RTCB: variants seen among roughly 807,000 people sequenced by gnomAD.
RTCB encodes RNA-splicing ligase RTCB.
Under a neutral mutation model 58.2 loss-of-function variants are expected in RTCB, and 32 were observed. The ratio of observed to expected loss-of-function variants is 0.55; its 90% CI spans 0.41 to 0.74. The LOEUF (loss-of-function observed/expected upper bound fraction) is 0.74, where lower values mean the gene tolerates loss of function less well. Ranked by LOEUF, RTCB falls within the 30% of genes least tolerant of loss-of-function variation. The pLI, the probability that RTCB is intolerant of heterozygous loss-of-function variation, is 0.00. For synonymous variants in RTCB, 247 were observed against 218.6 expected, an observed-to-expected ratio of 1.13 and a Z score of -1.15; for missense variants, 523 against 639.0, an observed-to-expected ratio of 0.82 and a Z score of 1.96.
At chr22:32,389,914 G>C (rs930382404) in intron 11 of RTCB, among the ~76,000 whole-genome samples, 40 of 152,006 alleles carry the variant, frequency 2.6e-4, no homozygotes, top group Admixed American at 2.5e-3. Context: ...TCTCCCTCTG[G>C]CTTGCTCTTG....
rs1933082012 is a variant in RTCB, at chr22:32,387,753, A to G, written c.*239T>C. On this transcript the variant is annotated 3_prime_UTR_variant, in exon 12 of 12. Coordinates refer to ENST00000216038, the MANE Select transcript of RTCB (RefSeq NM_014306.5). ...TTTCCTAAAACTCTGTGGAACAACC[A>G]AGGAGAAGGCATATTCCTCCCTTTC... 2.2e-6 allele frequency: 1 copy of G among 446,424 alleles called. No homozygotes were observed. The allele number at this position is 446,424 out of a possible 1,614,324, so 27.7% of individuals were successfully genotyped here.
At chr22:32,396,905 T>G (rs763757067) in intron 7 of RTCB, among the ~76,000 whole-genome samples, 1 of 152,184 alleles carries the variant, frequency 6.6e-6, no homozygotes, top group Non-Finnish European at 1.5e-5. Context: ...ACTGTTCTTA[T>G]GAATGCAAGA....
chr22:32,411,826 T>A (rs565558830), intron 1 of RTCB, among the ~76,000 whole-genome samples: 16 of 152,306 alleles, frequency 1.1e-4, no homozygotes, highest in African/African-American at 3.8e-4. Flanking sequence ...TTTATTTAGA[T>A]TCCCATATCC....
At chr22:32,402,851 CCT>C (rs1933361020) in intron 4 of RTCB, among the ~76,000 whole-genome samples, 2 of 152,078 alleles carry the variant, frequency 1.3e-5, no homozygotes, top group Admixed American at 1.3e-4. Context: ...CTCCAGCAAT[CCT>C]CTCACCTCAG....
intron 11 of RTCB, among the ~76,000 whole-genome samples, chr22:32,390,343 G>A (rs1213869778): frequency 6.6e-6 from 1 of 151,774 alleles, no homozygotes; most frequent in Non-Finnish European, 1.5e-5. Flanking sequence ...TGTTGCAGGT[G>A]AAAAAACAAA....
chr22:32,395,346 G>C, intron 8 of RTCB, 132 bp from the exon 9 acceptor site: 3 of 706,692 alleles, frequency 4.2e-6, no homozygotes, highest in South Asian at 4.5e-5. Flanking sequence ...AAAAGTAGCC[G>C]TAAGATTATC....
Position 32,412,196 on chromosome 22 carries a change from G to C in RTCB, c.-40C>G. ...TAGCAAAAACTCCCGGCTCCGCTTT[G>C]AAGAGCCGCTGCCGCGTAGTCCGGC... is the stretch of plus-strand genomic sequence containing the variant. On this transcript the variant is annotated 5_prime_UTR_variant, in exon 1 of 12. Transcript: ENST00000216038. 2 of 1,512,360 alleles carry C rather than the reference G, an allele frequency of 1.3e-6. No individual in the cohort carries two copies. Among genetic ancestry groups the C allele is most frequent in the Middle Eastern group, 3.5e-4 (2 of 5,706 alleles). The allele number at this position is 1,512,360 out of a possible 1,614,324, so 93.7% of individuals were successfully genotyped here.
chr22:32,389,573 A>G (rs1397793269), intron 11 of RTCB, among the ~76,000 whole-genome samples: 5 of 151,994 alleles, frequency 3.3e-5, no homozygotes, highest in African/African-American at 1.2e-4. Context: ...CAGCCTCCCG[A>G]AAGTGCTGGG....
At chr22:32,404,666 C>CA (rs969531127) in intron 4 of RTCB, among the ~76,000 whole-genome samples, 1 of 152,080 alleles carries the variant, frequency 6.6e-6, no homozygotes, top group Non-Finnish European at 1.5e-5. Context: ...TTTGGCCTCC[C>CA]AAAGTTTTTC....
rs566295736 is a variant in RTCB at position 32,389,359 on chromosome 22, T to C, written c.1411-1260A>G. ...ATTCATAAACATGCTAACTTTATCTTCCCCACATATCTGTATCTATACCTT... is the reference window on the plus strand; with the variant it reads ...ATTCATAAACATGCTAACTTTATCTCCCCCACATATCTGTATCTATACCTT... On this transcript the variant is annotated intron_variant, in intron 11 of 11. Transcript: ENST00000216038. Among the ~76,000 whole-genome samples the C allele has an allele frequency of 2.0e-5, 3 of 152,328 alleles. No homozygotes were observed. In the South Asian group the frequency reaches 6.2e-4, roughly 32 times the overall value.
intron 6 of RTCB, 40 bp downstream of exon 6, chr22:32,399,563 G>C: frequency 6.5e-7 from 1 of 1,528,596 alleles, no homozygotes. Flanking sequence ...AACAAAATAT[G>C]AAAAAAAAAT....
chr22:32,390,044 CCT>C (rs1167974828), intron 11 of RTCB, among the ~76,000 whole-genome samples: 2 of 152,076 alleles, frequency 1.3e-5, no homozygotes, highest in Non-Finnish European at 2.9e-5. Context: ...TAGCCTGTTT[CCT>C]CTCTCTCTTC....
chr22:32,409,252 A>G (rs954900035), intron 1 of RTCB, among the ~76,000 whole-genome samples: 6 of 152,144 alleles, frequency 3.9e-5, no homozygotes, highest in Non-Finnish European at 8.8e-5. Context: ...CATAAAACGT[A>G]GTCATCTAAC....
Position 32,388,073 on chromosome 22 carries a change from T to A in RTCB, c.1437A>T (p.Thr479=). 6.2e-7 allele frequency: 1 copy of A among 1,613,606 alleles called. No individual in the cohort carries two copies. Among genetic ancestry groups the A allele is most frequent in the South Asian group, 1.1e-5 (1 of 91,060 alleles). ...CATCATGGCAGGTATTTACCACATC[T>A]GTCACATTCTTATAGGACTCAGGAG... ...EEAPESYKNV[T]DVVNTCHDAG... The change falls in exon 12 of 12, where the codon ACA becomes ACT. Residue 479 remains threonine (T), a synonymous_variant. Coordinates refer to ENST00000216038, the MANE Select transcript of RTCB (RefSeq NM_014306.5).
chr22:32,395,292 T>C, intron 8 of RTCB, 78 bp from the exon 9 acceptor site: 6 of 1,249,160 alleles, frequency 4.8e-6, no homozygotes, highest in Non-Finnish European at 6.8e-6. Context: ...ATCTCACTGG[T>C]TTCAGGTAGT....
intron 1 of RTCB, among the ~76,000 whole-genome samples, chr22:32,410,819 G>A (rs1488641920): frequency 6.6e-6 from 1 of 150,764 alleles, no homozygotes; most frequent in Non-Finnish European, 1.5e-5. Context: ...AGGCTCAAGC[G>A]ATCCCCCTGC....
rs751367293 is a variant in RTCB, at chr22:32,406,630, C to T, written c.340+32G>A. 5 of 1,500,940 alleles carry T rather than the reference C, an allele frequency of 3.3e-6. No homozygotes were observed. The South Asian group carries it at 4.5e-5, about 14-fold the overall frequency. 93.0% of individuals were successfully genotyped at this position (1,500,940 alleles called of 1,614,324 possible). A position where few individuals can be genotyped will look rare whatever the true frequency, so the allele number is the denominator to read the frequency against. On this transcript the variant is annotated intron_variant, in intron 4 of 11. Transcript: ENST00000216038. ...GCCACCGTGCCCGGCCAATGCTACA[C>T]ACTTAACAGCAGATGTCCACAGTGA...
chr22:32,406,093 A>T (rs907115709), intron 4 of RTCB, among the ~76,000 whole-genome samples: 1 of 152,200 alleles, frequency 6.6e-6, no homozygotes, highest in African/African-American at 2.4e-5. Flanking sequence ...AAGATAAAAA[A>T]AAATTGCCAG....
At chr22:32,411,695 G>C (rs1933527138) in intron 1 of RTCB, among the ~76,000 whole-genome samples, 1 of 152,180 alleles carries the variant, frequency 6.6e-6, no homozygotes, top group Non-Finnish European at 1.5e-5. Context: ...CCCAGCAAAT[G>C]AACCTGGGGC....
Sources: gnomAD v4.1 joint callset for allele counts (sites outside exome capture counted in the v4.1 genomes callset) on GRCh38, gnomAD v4.1.1 for gene constraint, MANE v1.5 for transcripts, NCBI Gene and HGNC (gene_info 2026-07-23, HGNC 2026-07-21) for gene names.